The following TMEM132D variants were observed in gnomAD, a reference collection of about 807,000 sequenced individuals.
The protein encoded by TMEM132D is mature OL transmembrane protein.
TMEM132D carries 21 observed loss-of-function variants against 62.3 expected under a neutral mutation model. That is an observed-to-expected ratio of 0.34 (90% confidence interval 0.24 to 0.49). The LOEUF is 0.49. Among genes scored for constraint, TMEM132D ranks in the 20% least tolerant of loss-of-function variants. The pLI is 0.99. For synonymous variants in TMEM132D, 621 were observed against 575.6 expected (o/e 1.08, Z -1.13); for missense variants, 1,346 against 1,402.8 (o/e 0.96, Z 0.65).
chr12:129,512,579 A>G (rs1435465153), intron 3 of TMEM132D, among the ~76,000 whole-genome samples: 1 of 152,196 alleles, frequency 6.6e-6, no homozygotes, highest in Non-Finnish European at 1.5e-5. Context: ...GAGGGTCAAG[A>G]ATTTGGGAGC....
chr12:129,559,829 A>G (rs1357374921), intron 2 of TMEM132D, among the ~76,000 whole-genome samples: 8 of 152,150 alleles, frequency 5.3e-5, no homozygotes, highest in Non-Finnish European at 1.0e-4. Flanking sequence ...TCACAAGCAT[A>G]CCCTTGCTTT....
At chr12:129,312,859 A>G (rs1882013876) in intron 4 of TMEM132D, among the ~76,000 whole-genome samples, 1 of 152,260 alleles carries the variant, frequency 6.6e-6, no homozygotes, top group African/African-American at 2.4e-5. Flanking sequence ...ATGAAGCATC[A>G]GATGTTGGCT....
chr12:129,444,781 G>A (rs1388834929), intron 3 of TMEM132D, among the ~76,000 whole-genome samples: 1 of 152,064 alleles, frequency 6.6e-6, no homozygotes, highest in Non-Finnish European at 1.5e-5. Context: ...CACAATGAGA[G>A]GCCATCTCAT....
intron 2 of TMEM132D, among the ~76,000 whole-genome samples, chr12:129,670,838 G>A (rs1880485172): frequency 6.6e-6 from 1 of 152,144 alleles, no homozygotes; most frequent in Non-Finnish European, 1.5e-5. Context: ...TGGCTCTAAA[G>A]TCCTCCTCAA....
chr12:129,833,827 C>G (rs973458640), intron 1 of TMEM132D, among the ~76,000 whole-genome samples: 6 of 152,166 alleles, frequency 3.9e-5, no homozygotes, highest in African/African-American at 1.4e-4. Flanking sequence ...CAGGAAACTC[C>G]TCTCAAGCAA....
At chr12:129,290,245 T>TGAGGTG (rs1881412782) in intron 4 of TMEM132D, among the ~76,000 whole-genome samples, 1 of 152,050 alleles carries the variant, frequency 6.6e-6, no homozygotes, top group African/African-American at 2.4e-5. Context: ...AGCCATGCAC[T>TGAGGTG]GAGGTGGGAG....
intron 3 of TMEM132D, among the ~76,000 whole-genome samples, chr12:129,485,315 G>C (rs949847406): frequency 1.3e-5 from 2 of 152,132 alleles, no homozygotes; most frequent in Non-Finnish European, 2.9e-5. Context: ...GGCTCCAGGA[G>C]GCATTACCTC....
chr12:129,134,379 G>A (rs1876493171), intron 5 of TMEM132D, among the ~76,000 whole-genome samples: 1 of 152,172 alleles, frequency 6.6e-6, no homozygotes, highest in Non-Finnish European at 1.5e-5. Flanking sequence ...AAACAGCATG[G>A]AACTGTGGAG....
intron 2 of TMEM132D, among the ~76,000 whole-genome samples, chr12:129,611,900 A>T (rs762371729): frequency 9.2e-5 from 14 of 152,230 alleles, no homozygotes; most frequent in Non-Finnish European, 1.3e-4. Flanking sequence ...AATACACTTA[A>T]CAGCTCCCAT....
intron 5 of TMEM132D, among the ~76,000 whole-genome samples, chr12:129,101,028 G>T (rs1395466733): frequency 6.6e-6 from 1 of 151,716 alleles, no homozygotes; most frequent in Non-Finnish European, 1.5e-5. Context: ...TGATGGCAGG[G>T]TCTAAGCTTT....
intron 2 of TMEM132D, among the ~76,000 whole-genome samples, chr12:129,611,590 T>C (rs562246812): frequency 6.6e-6 from 1 of 152,314 alleles, no homozygotes; most frequent in South Asian, 2.1e-4. Flanking sequence ...GGGGCTCTCC[T>C]CCATCCAGTG....
intron 3 of TMEM132D, among the ~76,000 whole-genome samples, chr12:129,366,289 TA>T (rs1302710479): frequency 6.6e-6 from 1 of 152,166 alleles, no homozygotes; most frequent in Non-Finnish European, 1.5e-5. Context: ...GATTGGATCA[TA>T]GGGGTGGATT....
At chr12:129,837,300 T>C (rs1462241543) in intron 1 of TMEM132D, among the ~76,000 whole-genome samples, 1 of 152,308 alleles carries the variant, frequency 6.6e-6, no homozygotes, top group South Asian at 2.1e-4. Context: ...TCCCTTTTCA[T>C]GGGAAGTAAG....
chr12:129,447,863 T>C (rs1873152747), intron 3 of TMEM132D, among the ~76,000 whole-genome samples: 1 of 152,220 alleles, frequency 6.6e-6, no homozygotes, highest in South Asian at 2.1e-4. Context: ...GCCGGCTTAA[T>C]CACTTGGCCC....
chr12:129,530,986 C>G, intron 3 of TMEM132D, 73 bp downstream of exon 3: 5 of 902,542 alleles, frequency 5.5e-6, no homozygotes, highest in Admixed American at 3.0e-5. Context: ...TGTTAGCAAT[C>G]TAGGAAAAAA....
chr12:129,305,762 AG>A (rs1206616279), intron 4 of TMEM132D, among the ~76,000 whole-genome samples: 2 of 152,164 alleles, frequency 1.3e-5, no homozygotes, highest in African/African-American at 4.8e-5. Context: ...CGTCTCTCAC[AG>A]GGTGTCATGG....
intron 5 of TMEM132D, among the ~76,000 whole-genome samples, chr12:129,094,423 A>G (rs760985296): frequency 5.9e-5 from 9 of 152,262 alleles, no homozygotes; most frequent in Non-Finnish European, 1.2e-4. Context: ...CAAAAGACAC[A>G]TGAAAAAATG....
chr12:129,189,112 A>G (rs1446818696), intron 5 of TMEM132D, among the ~76,000 whole-genome samples: 3 of 151,742 alleles, frequency 2.0e-5, no homozygotes, highest in Non-Finnish European at 4.4e-5. Flanking sequence ...CAGAAGGGGA[A>G]GTGCGTCTGG....
Position 129,535,773 on chromosome 12 carries a change from T to TGCGC in TMEM132D, c.969-4569_969-4568insGCGC, listed in dbSNP as rs748710605. Among the ~76,000 whole-genome samples the TGCGC allele has an allele frequency of 3.5e-5, 3 of 86,944 alleles. No individual in the cohort carries two copies. In the South Asian group the frequency reaches 1.0e-3, roughly 30 times the overall value. 57.0% of individuals were successfully genotyped at this position (86,944 alleles called of 152,430 possible). On this transcript the variant is annotated intron_variant, in intron 2 of 8. Transcript: ENST00000422113. ...TGTTGGGAGATTCATTTAAGATTTG[T>TGCGC]GTGCGTGTGTGTGTGTGTGTGTGTG...
Sources: allele counts gnomAD v4.1 joint callset (sites outside exome capture counted in the v4.1 genomes callset), GRCh38; gene constraint gnomAD v4.1.1; transcripts MANE v1.5; gene names NCBI Gene and HGNC (gene_info 2026-07-23, HGNC 2026-07-21).